GRAMD1C: variants seen among roughly 807,000 people sequenced by gnomAD.
The protein encoded by GRAMD1C is protein Aster-C.
A neutral mutation model predicts 97.8 loss-of-function variants in GRAMD1C; 89 were observed. The observed-to-expected ratio is 0.91, with a 90% CI of 0.77 to 1.09. The LOEUF (loss-of-function observed/expected upper bound fraction) is 1.09. Ranked by LOEUF, GRAMD1C falls within the 50% of genes least tolerant of loss-of-function variation. The pLI is 0.00. For missense variants in GRAMD1C, 740 were observed against 766.4 expected (o/e 0.97, Z 0.41); for synonymous variants, 256 against 267.0 (o/e 0.96, Z 0.40).
At chr3:113,867,672 T>C (rs1934637915) in intron 2 of GRAMD1C, among the ~76,000 whole-genome samples, 2 of 152,210 alleles carry the variant, frequency 1.3e-5, no homozygotes, top group Admixed American at 6.5e-5. Context: ...CCGCAAATTA[T>C]ACTGTTTTTC....
intron 6 of GRAMD1C, among the ~76,000 whole-genome samples, chr3:113,887,235 C>T (rs6790683): frequency 9.2e-5 from 14 of 151,538 alleles, no homozygotes; most frequent in African/African-American, 2.4e-4. Flanking sequence ...GGACTACAGG[C>T]GCCTGCCACC....
At chr3:113,870,099 T>A (rs1256000610) in intron 3 of GRAMD1C, among the ~76,000 whole-genome samples, 1 of 152,114 alleles carries the variant, frequency 6.6e-6, no homozygotes. Context: ...TGGTGACTCA[T>A]GCCTGTTATC....
chr3:113,885,238 G>A, intron 6 of GRAMD1C: 1 of 1,031,026 alleles, frequency 9.7e-7, no homozygotes, highest in Non-Finnish European at 1.5e-6. Flanking sequence ...GTTGCCCCCG[G>A]GGGGCTGGCG....
intron 10 of GRAMD1C, among the ~76,000 whole-genome samples, chr3:113,925,069 T>C (rs1276222631): frequency 6.6e-6 from 1 of 152,240 alleles, no homozygotes; most frequent in Non-Finnish European, 1.5e-5. Flanking sequence ...AGGTCTGTTT[T>C]GGTTTTGTCT....
Position 113,947,015 on chromosome 3 carries a change from A to T in GRAMD1C, c.*1537A>T, listed in dbSNP as rs1214548544. The T allele has an allele frequency of 6.6e-6, 1 of 152,220 alleles. No homozygotes were observed. Among genetic ancestry groups the T allele is most frequent in the East Asian group, 1.9e-4 (1 of 5,198 alleles). The allele number at this position is 152,220 out of a possible 1,614,324, so 9.4% of individuals were successfully genotyped here. A position where few individuals can be genotyped will look rare whatever the true frequency, so the allele number is the denominator to read the frequency against. On this transcript the variant is annotated 3_prime_UTR_variant, in exon 18 of 18. Transcript: ENST00000358160. ...ATGATCGACAAACAATATTTTTGTG[A>T]TGTTTATTTAAACGTTGTATTTTAT...
At chr3:113,886,379 C>G (rs573312860) in intron 6 of GRAMD1C, among the ~76,000 whole-genome samples, 1 of 152,294 alleles carries the variant, frequency 6.6e-6, no homozygotes, top group South Asian at 2.1e-4. Context: ...AAAGAGAAGC[C>G]AAGTCAGCTT....
rs143960938 is a variant in GRAMD1C, at chr3:113,929,330, A to G, written c.1091-1384A>G. ...ACATTATGATAAGCTTTACTTAGGT[A>G]TTGGAGGATTGACTGTTTCAAGATG... On this transcript the variant is annotated intron_variant, in intron 10 of 17. Transcript: ENST00000358160. Among the ~76,000 whole-genome samples, 9 of 152,242 alleles carry G rather than the reference A, an allele frequency of 5.9e-5. No homozygotes were observed. The East Asian group carries it at 1.7e-3, about 29-fold the overall frequency.
chr3:113,940,087 G>A, intron 16 of GRAMD1C, 91 bp downstream of exon 16: 1 of 888,950 alleles, frequency 1.1e-6, no homozygotes, highest in Non-Finnish European at 1.9e-6. Flanking sequence ...AGAGACTGTG[G>A]TCTGCTAACT....
chr3:113,910,671 A>G (rs1287234946), intron 9 of GRAMD1C, among the ~76,000 whole-genome samples: 2 of 152,194 alleles, frequency 1.3e-5, no homozygotes, highest in Non-Finnish European at 2.9e-5. Context: ...ATAGAGGCCA[A>G]AATATCACCT....
chr3:113,913,033 A>C, intron 9 of GRAMD1C: 5 of 734,122 alleles, frequency 6.8e-6, no homozygotes, highest in Non-Finnish European at 1.0e-5. Flanking sequence ...AGGGTAACAT[A>C]GAGACTGCTT....
At chr3:113,844,714 G>T in intron 2 of GRAMD1C, 65 bp downstream of exon 2, 1 of 1,125,268 alleles carries the variant, frequency 8.9e-7, no homozygotes, top group Non-Finnish European at 1.3e-6. Flanking sequence ...TCTGCAAGGA[G>T]TCATATAGTA....
chr3:113,854,156 A>G (rs1420513697), intron 2 of GRAMD1C, among the ~76,000 whole-genome samples: 1 of 151,352 alleles, frequency 6.6e-6, no homozygotes, highest in African/African-American at 2.4e-5. Flanking sequence ...TTTTTTTTGT[A>G]ACTGAGTTGG....
Position 113,936,249 on chromosome 3 carries a change from G to GT in GRAMD1C, c.1457-6dup, listed in dbSNP as rs751275498. The GT allele has an allele frequency of 0.083, 85,370 of 1,034,546 alleles. 1 individual carries two copies. Among genetic ancestry groups the GT allele is most frequent in the South Asian group, 0.11 (6,252 of 58,558 alleles). The allele number at this position is 1,034,546 out of a possible 1,614,324, so 64.1% of individuals were successfully genotyped here. A position where few individuals can be genotyped will look rare whatever the true frequency, so the allele number is the denominator to read the frequency against. Reference sequence around the variant, plus strand: ...GAGCTTTCCTCACTATATAAAGATTGTTTTTTTTTTTCTTAGAATCAGATT... The same window carrying GT: ...GAGCTTTCCTCACTATATAAAGATTGTTTTTTTTTTTTCTTAGAATCAGATT... On this transcript the variant is annotated splice_polypyrimidine_tract_variant and intron_variant, in intron 13 of 17. Transcript: ENST00000358160.
intron 2 of GRAMD1C, among the ~76,000 whole-genome samples, chr3:113,849,457 G>T (rs1483505368): frequency 4.6e-5 from 7 of 151,812 alleles, no homozygotes; most frequent in African/African-American, 1.5e-4. Context: ...CGCAGTGTTT[G>T]TGTCCCTGGG....
intron 3 of GRAMD1C, among the ~76,000 whole-genome samples, chr3:113,873,514 T>C (rs1213515927): frequency 6.6e-6 from 1 of 151,990 alleles, no homozygotes; most frequent in Non-Finnish European, 1.5e-5. Context: ...CACTATGTGT[T>C]TTTTATTTTA....
At chr3:113,929,279 C>T (rs1427079977) in intron 10 of GRAMD1C, among the ~76,000 whole-genome samples, 1 of 152,168 alleles carries the variant, frequency 6.6e-6, no homozygotes, top group Admixed American at 6.5e-5. Context: ...AGCCATTTTT[C>T]CTACAATTCA....
At chr3:113,885,325 C>T (rs1299531099) in intron 6 of GRAMD1C, 9 of 1,587,412 alleles carry the variant, frequency 5.7e-6, no homozygotes, top group African/African-American at 1.3e-5. Flanking sequence ...TCTGCTGGGA[C>T]TGCGCACGTT....
chr3:113,861,582 C>T (rs1056511078), intron 2 of GRAMD1C, among the ~76,000 whole-genome samples: 4 of 152,124 alleles, frequency 2.6e-5, no homozygotes, highest in Non-Finnish European at 5.9e-5. Context: ...AGATCACCCA[C>T]AGAATGAGAA....
At chr3:113,830,183 G>T (rs1443538065) in intron 1 of GRAMD1C, among the ~76,000 whole-genome samples, 1 of 152,052 alleles carries the variant, frequency 6.6e-6, no homozygotes, top group Non-Finnish European at 1.5e-5. Context: ...CAAAGAAGCT[G>T]GCCACTCCAC....
Sources: allele counts gnomAD v4.1 joint callset (sites outside exome capture counted in the v4.1 genomes callset), GRCh38; gene constraint gnomAD v4.1.1; transcripts MANE v1.5; gene names NCBI Gene and HGNC (gene_info 2026-07-23, HGNC 2026-07-21).